CIAPIN1: variants seen among roughly 807,000 people sequenced by gnomAD.
CIAPIN1 encodes the protein anamorsin.
Under a neutral mutation model 34.3 loss-of-function variants are expected in CIAPIN1, and 18 were observed. That is an observed-to-expected ratio of 0.52 (90% CI 0.36 to 0.78). The LOEUF is 0.78. Ranked by LOEUF, CIAPIN1 falls within the 30% of genes least tolerant of loss-of-function variation. The pLI, the probability that CIAPIN1 is intolerant of heterozygous loss-of-function variation, is 0.00. For missense variants in CIAPIN1, 310 were observed against 372.5 expected, an observed-to-expected ratio of 0.83 and a Z score of 1.38; for synonymous variants, 131 against 140.4, an observed-to-expected ratio of 0.93 and a Z score of 0.47.
chr16:57,442,491 T>C (rs1229777438), intron 1 of CIAPIN1, among the ~76,000 whole-genome samples: 2 of 151,904 alleles, frequency 1.3e-5, no homozygotes, highest in Non-Finnish European at 2.9e-5. Flanking sequence ...TGAAACCCCA[T>C]CTCTACTAAA....
At position 57,428,939 on chromosome 16, in the gene CIAPIN1, GA is replaced by G; in HGVS notation, c.*230del. ...CTCCCTTCTCTTAACATGAGGTGAA[GA>G]AACCCATCCCATTCTGAAACCAGGT... On this transcript the variant is annotated 3_prime_UTR_variant, in exon 9 of 9. Coordinates refer to ENST00000394391, the MANE Select transcript of CIAPIN1 (RefSeq NM_020313.4). 1 of 481,888 alleles carries G rather than the reference GA, an allele frequency of 2.1e-6. No individual in the cohort carries two copies. Among genetic ancestry groups the G allele is most frequent in the Non-Finnish European group, 3.7e-6 (1 of 267,786 alleles). The allele number at this position is 481,888 out of a possible 1,614,324, so 29.9% of individuals were successfully genotyped here. A position where few individuals can be genotyped will look rare whatever the true frequency, so the allele number is the denominator to read the frequency against.
intron 3 of CIAPIN1, among the ~76,000 whole-genome samples, chr16:57,438,307 T>A (rs912342239): frequency 1.3e-5 from 2 of 152,236 alleles, no homozygotes; most frequent in Non-Finnish European, 2.9e-5. Flanking sequence ...TTTTACTTCA[T>A]GAACACTGTC....
intron 1 of CIAPIN1, among the ~76,000 whole-genome samples, chr16:57,442,464 C>A (rs1296098090): frequency 2.0e-5 from 3 of 152,010 alleles, no homozygotes; most frequent in Non-Finnish European, 4.4e-5. Flanking sequence ...AGTTCAAGAC[C>A]AGCCTGGGCG....
chr16:57,428,407 G>A lies in CIAPIN1; in HGVS notation c.*763C>T, dbSNP rs1903002886. The A allele has an allele frequency of 1.3e-5, 2 of 152,190 alleles. No individual in the cohort carries two copies. The highest frequency in any genetic ancestry group is 1.3e-4 in the Admixed American group (2 of 15,276). The allele number at this position is 152,190 out of a possible 1,614,324, so 9.4% of individuals were successfully genotyped here. On this transcript the variant is annotated 3_prime_UTR_variant, in exon 9 of 9. Transcript: ENST00000394391. ...GGACTCTTCTAAAGTGGGCAGACAA[G>A]CCCTATTCTAAGCGTAGGAATAGCC...
chr16:57,432,656 C>G (rs572810455), intron 5 of CIAPIN1, 96 bp from the exon 6 acceptor site: 2 of 1,145,754 alleles, frequency 1.7e-6, no homozygotes, highest in Admixed American at 2.0e-5. Flanking sequence ...TAGAAGAGAA[C>G]ACACTGGCCT....
rs766049007 is a variant in CIAPIN1, at chr16:57,429,224, G to A, written c.885C>T (p.Ala295=). Reference sequence around the variant, plus strand: ...GAAGCACCTTTTCCCCAGGTTTGAAGGCTGGCATCCCAAGGTAGGGGCAGC... The same window carrying A: ...GAAGCACCTTTTCCCCAGGTTTGAAAGCTGGCATCCCAAGGTAGGGGCAGC... The part of the protein sequence containing the change: ...CASCPYLGMP[A]FKPGEKVLLS... The change falls in exon 9 of 9, where the codon GCC becomes GCT. Residue 295 remains alanine (A), a synonymous_variant. Transcript: ENST00000394391. The A allele has an allele frequency of 6.2e-6, 10 of 1,613,758 alleles. No homozygotes were observed. The African/African-American group carries it at 9.3e-5, about 15-fold the overall frequency.
Position 57,434,071 on chromosome 16 carries a change from A to G in CIAPIN1, c.529T>C (p.Ser177Pro), listed in dbSNP as rs775808371. 1.2e-6 allele frequency: 2 copies of G among 1,613,984 alleles called. No individual in the cohort carries two copies. Among genetic ancestry groups the G allele is most frequent in the African/African-American group, 2.7e-5 (2 of 74,934 alleles). Reference protein sequence around the residue: ...EVGSSRQLKLSITKKSSPSVK... With the variant: ...EVGSSRQLKLPITKKSSPSVK... ...GAAGGAGAAGACTTCTTGGTGATGG[A>G]AAGCTTAAGCTGCCTAGAAGAACCC... The change falls in exon 5 of 9, where the codon TCC becomes CCC. Residue 177 changes from serine to proline, a missense_variant. Ser to Pro is a moderately conservative substitution (Grantham distance 74). Transcript: ENST00000394391.
At chr16:57,447,308 G>A (rs2030127203) in intron 1 of CIAPIN1, 34 bp downstream of exon 1, 2 of 411,872 alleles carry the variant, frequency 4.9e-6, no homozygotes, top group East Asian at 3.6e-5. Context: ...AGTTGAGGGA[G>A]CTCTGGCGCT....
At position 57,428,434 on chromosome 16, in the gene CIAPIN1, C is replaced by A. The variant is rs776185885; in HGVS notation, c.*736G>T. The A allele has an allele frequency of 1.3e-5, 2 of 152,184 alleles. No individual in the cohort carries two copies. The highest frequency in any genetic ancestry group is 2.4e-5 in the African/African-American group (1 of 41,418). The allele number at this position is 152,184 out of a possible 1,614,324, so 9.4% of individuals were successfully genotyped here. On this transcript the variant is annotated 3_prime_UTR_variant, in exon 9 of 9. Transcript: ENST00000394391. Reference sequence around the variant, plus strand: ...CCTATTCTAAGCGTAGGAATAGCCCCATTTGTGCGTGACACTAAGTTCCTC... The same window carrying A: ...CCTATTCTAAGCGTAGGAATAGCCCAATTTGTGCGTGACACTAAGTTCCTC...
At chr16:57,444,110 T>C (rs575443603) in intron 1 of CIAPIN1, among the ~76,000 whole-genome samples, 2 of 152,288 alleles carry the variant, frequency 1.3e-5, no homozygotes, top group African/African-American at 4.8e-5. Flanking sequence ...ACAAGCCAAA[T>C]GTCTAGACCT....
intron 8 of CIAPIN1, 87 bp from the exon 9 acceptor site, chr16:57,429,367 C>CATTT: frequency 1.2e-6 from 1 of 853,582 alleles, no homozygotes; most frequent in South Asian, 1.4e-5. Flanking sequence ...CATAATGTGG[C>CATTT]CACAGTGGCC....
Position 57,428,454 on chromosome 16 carries a change from T to C in CIAPIN1, c.*716A>G, listed in dbSNP as rs1353347616. 2 of 152,240 alleles carry C rather than the reference T, an allele frequency of 1.3e-5. No homozygotes were observed. The highest frequency in any genetic ancestry group is 2.9e-5 in the Non-Finnish European group (2 of 68,052). 9.4% of individuals were successfully genotyped at this position (152,240 alleles called of 1,614,324 possible). A position where few individuals can be genotyped will look rare whatever the true frequency, so the allele number is the denominator to read the frequency against. On this transcript the variant is annotated 3_prime_UTR_variant, in exon 9 of 9. Transcript: ENST00000394391. ...AGCCCCATTTGTGCGTGACACTAAG[T>C]TCCTCCAATGGTCCAAACTGAGCGT...
chr16:57,446,644 C>G (rs2030083331), intron 1 of CIAPIN1, among the ~76,000 whole-genome samples: 1 of 152,176 alleles, frequency 6.6e-6, no homozygotes, highest in African/African-American at 2.4e-5. Context: ...GAGCTTGGCA[C>G]TCAGTAATGT....
At chr16:57,441,007 T>C in intron 1 of CIAPIN1, 24 bp from the exon 2 acceptor site, 1 of 1,446,478 alleles carries the variant, frequency 6.9e-7, no homozygotes, top group Non-Finnish European at 9.5e-7. Context: ...AAGTGCAATT[T>C]AATCTGTGAG....
At position 57,443,758 on chromosome 16, in the gene CIAPIN1, GT is replaced by G. The variant is rs2029946338; in HGVS notation, c.-55-2776del. Among the ~76,000 whole-genome samples, 3 of 152,236 alleles carry G rather than the reference GT, an allele frequency of 2.0e-5. No homozygotes were observed. The South Asian group carries it at 6.2e-4, about 32-fold the overall frequency. On this transcript the variant is annotated intron_variant, in intron 1 of 8. Coordinates refer to ENST00000394391, the MANE Select transcript of CIAPIN1 (RefSeq NM_020313.4). ...GAGCCACCGTGCCTGGCCAATTTTG[GT>G]TTTTAAATCCCTAAACAGCACACAA...
In CIAPIN1 at chr16:57,433,732, G is replaced by C. The variant is rs375251543; in HGVS notation, c.556+312C>G. On this transcript the variant is annotated intron_variant, in intron 5 of 8. Coordinates refer to ENST00000394391, the MANE Select transcript of CIAPIN1 (RefSeq NM_020313.4). ...ACTACACTGTGAGGTCTTCTGAGGA[G>C]AAACGTTAATTCTGGGACCTGGAAG... The C allele has an allele frequency of 1.0e-4, 36 of 348,648 alleles. No individual in the cohort carries two copies. In the East Asian group the frequency reaches 2.5e-3, roughly 24 times the overall value. The allele number at this position is 348,648 out of a possible 1,614,324, so 21.6% of individuals were successfully genotyped here.
intron 6 of CIAPIN1, among the ~76,000 whole-genome samples, chr16:57,432,083 C>A (rs1024143126): frequency 6.6e-6 from 1 of 151,978 alleles, no homozygotes; most frequent in African/African-American, 2.4e-5. Context: ...GAGGCCGAGG[C>A]GGGCAGATCA....
chr16:57,445,127 G>A (rs1435328342), intron 1 of CIAPIN1, among the ~76,000 whole-genome samples: 1 of 152,174 alleles, frequency 6.6e-6, no homozygotes, highest in Admixed American at 6.5e-5. Context: ...TGAAGTTTGG[G>A]CTTCAGTTCA....
rs1567568872 is a variant in CIAPIN1 at position 57,429,192 on chromosome 16, T to C, written c.917A>G (p.Asp306Gly). The C allele has an allele frequency of 1.2e-6, 2 of 1,612,748 alleles. No individual in the cohort carries two copies. The highest frequency in any genetic ancestry group is 1.7e-6 in the Non-Finnish European group (2 of 1,179,848). ...CTCCTAGGCATCATGAAGATTGCTATCACTCAGAAGCACCTTTTCCCCAGG... is the reference window on the plus strand; with the variant it reads ...CTCCTAGGCATCATGAAGATTGCTACCACTCAGAAGCACCTTTTCCCCAGG... ...FKPGEKVLLS[D>G]SNLHDA is the part of the protein sequence containing the mutation. Residue 306 changes from aspartate (D) to glycine (G), a missense_variant, in exon 9 of 9, where the codon GAT becomes GGT. By Grantham distance (94) the Asp-to-Gly change is moderately conservative. Transcript: ENST00000394391.
Sources: gnomAD v4.1 joint callset for allele counts (sites outside exome capture counted in the v4.1 genomes callset) on GRCh38, gnomAD v4.1.1 for gene constraint, MANE v1.5 for transcripts, NCBI Gene and HGNC (gene_info 2026-07-23, HGNC 2026-07-21) for gene names.